FNBP1L: variants seen among roughly 807,000 people sequenced by gnomAD.
FNBP1L encodes formin-binding protein 1-like.
Under a neutral mutation model 91.2 loss-of-function variants are expected in FNBP1L, and 36 were observed. The ratio of observed to expected loss-of-function variants is 0.39; its 90% confidence interval spans 0.30 to 0.52. The LOEUF (loss-of-function observed/expected upper bound fraction) is 0.52. FNBP1L is among the 20% of genes least tolerant of loss of function. The pLI is 0.66. For missense variants in FNBP1L, 571 were observed against 732.1 expected (o/e 0.78, Z 2.54); for synonymous variants, 242 against 237.0 (o/e 1.02, Z -0.19).
intron 2 of FNBP1L, among the ~76,000 whole-genome samples, chr1:93,513,507 G>A (rs2101740277): frequency 6.6e-6 from 1 of 151,846 alleles, no homozygotes; most frequent in Middle Eastern, 3.4e-3. Flanking sequence ...GAACATTGAT[G>A]CAAAAATCCT....
chr1:93,537,439 C>T (rs1474574806), intron 10 of FNBP1L, among the ~76,000 whole-genome samples: 1 of 151,852 alleles, frequency 6.6e-6, no homozygotes, highest in Non-Finnish European at 1.5e-5. Flanking sequence ...TCCTTTCTGT[C>T]TTCACATTGC....
chr1:93,497,778 C>G (rs1670315458), intron 1 of FNBP1L, among the ~76,000 whole-genome samples: 1 of 152,164 alleles, frequency 6.6e-6, no homozygotes, highest in African/African-American at 2.4e-5. Context: ...TGCCACCACG[C>G]CTGGCCAATT....
intron 10 of FNBP1L, 100 bp downstream of exon 10, chr1:93,536,590 A>G: frequency 9.1e-7 from 1 of 1,101,618 alleles, no homozygotes; most frequent in Non-Finnish European, 1.2e-6. Flanking sequence ...TCCTATAAAT[A>G]CACAGTTTAA....
chr1:93,480,029 C>T (rs1283144666), intron 1 of FNBP1L, among the ~76,000 whole-genome samples: 1 of 152,154 alleles, frequency 6.6e-6, no homozygotes, highest in Admixed American at 6.5e-5. Flanking sequence ...TAAAGACAGG[C>T]ATAAGAAATT....
At chr1:93,528,187 A>C (rs897591851) in intron 5 of FNBP1L, among the ~76,000 whole-genome samples, 7 of 152,180 alleles carry the variant, frequency 4.6e-5, no homozygotes, top group African/African-American at 1.7e-4. Context: ...AAGTTTTCCC[A>C]GAACTGAAAG....
At chr1:93,454,186 T>C (rs1668582317) in intron 1 of FNBP1L, among the ~76,000 whole-genome samples, 1 of 152,216 alleles carries the variant, frequency 6.6e-6, no homozygotes, top group African/African-American at 2.4e-5. Context: ...TTTGTTGGAC[T>C]GACCTGAGTC....
intron 9 of FNBP1L, among the ~76,000 whole-genome samples, chr1:93,536,055 A>G (rs191860401): frequency 3.9e-5 from 6 of 152,218 alleles, no homozygotes; most frequent in Admixed American, 1.3e-4. Context: ...AATCTAGGCC[A>G]TATTGCTTTC....
chr1:93,534,311 A>G (rs1362775278), intron 8 of FNBP1L, among the ~76,000 whole-genome samples: 1 of 152,096 alleles, frequency 6.6e-6, no homozygotes, highest in Non-Finnish European at 1.5e-5. Context: ...CTTTGTTGAC[A>G]TCTATCTTTT....
intron 1 of FNBP1L, among the ~76,000 whole-genome samples, chr1:93,449,394 C>T (rs1429149785): frequency 6.6e-6 from 1 of 152,118 alleles, no homozygotes; most frequent in Non-Finnish European, 1.5e-5. Context: ...GCCTGTTTTC[C>T]GTGCCTTTTG....
At chr1:93,507,091 ACACACACACACACACACTCTCTCTCT>A (rs1284911520) in intron 2 of FNBP1L, among the ~76,000 whole-genome samples, 117 of 129,886 alleles carry the variant, frequency 9.0e-4, no homozygotes, top group East Asian at 3.3e-3. Flanking sequence ...ACACACACAC[ACACACACACACACACACTCTCTCTCT>A]CTCTCTCTCT....
At chr1:93,460,327 T>G (rs533913939) in intron 1 of FNBP1L, among the ~76,000 whole-genome samples, 88 of 152,204 alleles carry the variant, frequency 5.8e-4, no homozygotes, top group Non-Finnish European at 1.0e-3. Flanking sequence ...GAGAGCAGCC[T>G]TCACCAGATA....
chr1:93,488,610 G>T (rs1298949826), intron 1 of FNBP1L, among the ~76,000 whole-genome samples: 4 of 152,032 alleles, frequency 2.6e-5, no homozygotes, highest in Non-Finnish European at 5.9e-5. Context: ...ATATAAACTG[G>T]CATTCTGGCG....
At chr1:93,491,675 A>G (rs999462727) in intron 1 of FNBP1L, among the ~76,000 whole-genome samples, 3 of 152,218 alleles carry the variant, frequency 2.0e-5, no homozygotes, top group African/African-American at 2.4e-5. Flanking sequence ...ACTTGTAGCT[A>G]AACTTGTATT....
chr1:93,494,217 A>C (rs188575747), intron 1 of FNBP1L, among the ~76,000 whole-genome samples: 6 of 152,312 alleles, frequency 3.9e-5, no homozygotes, highest in East Asian at 1.9e-4. Context: ...GGTTTATTAC[A>C]AAGGATATTA....
At chr1:93,458,988 C>T (rs141694147) in intron 1 of FNBP1L, among the ~76,000 whole-genome samples, 112 of 152,282 alleles carry the variant, frequency 7.4e-4, no homozygotes, top group African/African-American at 2.5e-3. Context: ...AGTATATCCT[C>T]TGTGGGCTGA....
At chr1:93,523,653 T>A (rs1040335023) in intron 4 of FNBP1L, among the ~76,000 whole-genome samples, 162 bp downstream of exon 4, 2 of 152,238 alleles carry the variant, frequency 1.3e-5, no homozygotes, top group African/African-American at 4.8e-5. Flanking sequence ...TAATTTATGA[T>A]CCTTTTGGAT....
chr1:93,531,464 G>A (rs540718892), intron 7 of FNBP1L, among the ~76,000 whole-genome samples: 4 of 152,190 alleles, frequency 2.6e-5, no homozygotes, highest in Admixed American at 2.0e-4. Context: ...GCCTGTTCTA[G>A]AAAGAAGAGA....
At chr1:93,456,602 C>CAAAAAAAAAAAAA (rs60167572) in intron 1 of FNBP1L, among the ~76,000 whole-genome samples, 3 of 53,374 alleles carry the variant, frequency 5.6e-5, no homozygotes, top group African/African-American at 1.2e-4. Flanking sequence ...CCTTCTCTAC[C>CAAAAAAAAAAAAA]AAAAAAAAAA....
chr1:93,542,876 C>A (rs1340730646), intron 11 of FNBP1L, among the ~76,000 whole-genome samples: 1 of 150,280 alleles, frequency 6.7e-6, no homozygotes, highest in African/African-American at 2.5e-5. Context: ...CTCTGCCTTC[C>A]GGGTTCAAGT....
Sources: allele counts gnomAD v4.1 joint callset (sites outside exome capture counted in the v4.1 genomes callset), GRCh38; gene constraint gnomAD v4.1.1; transcripts MANE v1.5; gene names NCBI Gene and HGNC (gene_info 2026-07-23, HGNC 2026-07-21).